Variants in AFG3L2 observed in about 807,000 individuals in gnomAD.
AFG3L2 encodes mitochondrial inner membrane m-AAA protease component AFG3L2.
A neutral mutation model predicts 94.5 loss-of-function variants in AFG3L2; 54 were observed. The ratio of observed to expected loss-of-function variants is 0.57; its 90% CI spans 0.46 to 0.72. The LOEUF (loss-of-function observed/expected upper bound fraction) is 0.72. Ranked by LOEUF, AFG3L2 falls within the 30% of genes least tolerant of loss-of-function variation. AFG3L2 has a pLI of 0.00. For missense variants in AFG3L2, 754 were observed against 994.9 expected, an observed-to-expected ratio of 0.76 and a Z score of 3.26; for synonymous variants, 377 against 365.5, an observed-to-expected ratio of 1.03 and a Z score of -0.36.
intron 9 of AFG3L2, among the ~76,000 whole-genome samples, chr18:12,356,126 A>AC (rs1908486482): frequency 6.6e-6 from 1 of 151,464 alleles, no homozygotes; most frequent in Non-Finnish European, 1.5e-5. Context: ...GTCACCAAAA[A>AC]AAAAAAAAAT....
intron 2 of AFG3L2, among the ~76,000 whole-genome samples, chr18:12,371,315 C>CAA (rs1275446956): frequency 8.4e-4 from 56 of 66,428 alleles, no homozygotes; most frequent in African/African-American, 2.9e-3. Context: ...ACTCAGTCTC[C>CAA]AAAAAAAAAA....
Position 12,367,086 on chromosome 18 carries a change from C to T in AFG3L2, c.431G>A (p.Arg144Lys), listed in dbSNP as rs1045085059. Residue 144 changes from arginine to lysine, a missense_variant, in exon 5 of 17, where the codon AGG (arginine) becomes AAG (lysine). Around this residue, in one of 4 missense-constraint regions of AFG3L2, gnomAD observed 236 missense variants for 214.0 expected, o/e 1.10. Coordinates refer to ENST00000269143, the MANE Select transcript of AFG3L2 (RefSeq NM_006796.3). ...GDIPWDDKDF[R>K]MFFLWTALFW... ...CAGAGCAGTCCAGAGGAAGAACATC[C>T]TGAAATCCTTGTCGTCCCATGGAAT... 6 of 1,614,222 alleles carry T rather than the reference C, an allele frequency of 3.7e-6. No individual in the cohort carries two copies. The highest frequency in any genetic ancestry group is 1.7e-5 in the Admixed American group (1 of 60,032).
chr18:12,373,748 G>A (rs1021153784), intron 1 of AFG3L2, among the ~76,000 whole-genome samples: 5 of 152,070 alleles, frequency 3.3e-5, no homozygotes, highest in Non-Finnish European at 5.9e-5. Flanking sequence ...GAAGGTCAAT[G>A]GCAAAGCAGC....
intron 16 of AFG3L2, among the ~76,000 whole-genome samples, chr18:12,330,958 G>A (rs1042062721): frequency 1.3e-5 from 2 of 152,190 alleles, no homozygotes; most frequent in Non-Finnish European, 2.9e-5. Context: ...TTGGGACCAT[G>A]CATTGGACCA....
chr18:12,369,853 G>A (rs1227652292), intron 3 of AFG3L2, among the ~76,000 whole-genome samples: 1 of 151,878 alleles, frequency 6.6e-6, no homozygotes, highest in African/African-American at 2.4e-5. Flanking sequence ...TCAGGAGATG[G>A]AGACCATCCT....
chr18:12,333,308 T>C (rs981361127), intron 16 of AFG3L2, among the ~76,000 whole-genome samples: 1 of 131,110 alleles, frequency 7.6e-6, no homozygotes, highest in African/African-American at 2.9e-5. Flanking sequence ...ATATATTATA[T>C]ATTATAAATA....
chr18:12,333,020 A>AT (rs1325159819), intron 16 of AFG3L2, among the ~76,000 whole-genome samples: 98 of 91,054 alleles, frequency 1.1e-3, no homozygotes, highest in African/African-American at 3.3e-3. Context: ...AAAATATATT[A>AT]ATAATATATA....
At chr18:12,369,840 A>AG (rs1908923665) in intron 3 of AFG3L2, among the ~76,000 whole-genome samples, 1 of 152,022 alleles carries the variant, frequency 6.6e-6, no homozygotes, top group Non-Finnish European at 1.5e-5. Flanking sequence ...GCGGATCACA[A>AG]GGTCAGGAGA....
chr18:12,359,082 C>T (rs1328370860), intron 7 of AFG3L2, 139 bp from the exon 8 acceptor site: 1 of 1,279,368 alleles, frequency 7.8e-7, no homozygotes, highest in African/African-American at 1.5e-5. Flanking sequence ...GGGTAACTTG[C>T]AAGTGTTCTT....
rs76040040 is a variant in AFG3L2, at chr18:12,347,554, A to C, written c.1663+719T>G. Among the ~76,000 whole-genome samples, 137 of 140,706 alleles carry C rather than the reference A, an allele frequency of 9.7e-4. 1 individual carries two copies. Among genetic ancestry groups the C allele is most frequent in the Non-Finnish European group, 1.4e-3 (93 of 64,524 alleles). 92.3% of individuals were successfully genotyped at this position (140,706 alleles called of 152,430 possible). A position where few individuals can be genotyped will look rare whatever the true frequency, so the allele number is the denominator to read the frequency against. ...TTATTTTATTTTATTTATTATTATTATTTTTTTTTTTTTTGAGACAGAGAC... is the reference window on the plus strand; with the variant it reads ...TTATTTTATTTTATTTATTATTATTCTTTTTTTTTTTTTTGAGACAGAGAC... On this transcript the variant is annotated intron_variant, in intron 13 of 16. Coordinates refer to ENST00000269143, the MANE Select transcript of AFG3L2 (RefSeq NM_006796.3).
intron 16 of AFG3L2, among the ~76,000 whole-genome samples, chr18:12,333,195 T>C (rs1245295480): frequency 8.8e-6 from 1 of 113,720 alleles, no homozygotes; most frequent in Admixed American, 1.0e-4. Flanking sequence ...AAATAATATA[T>C]ATAATAATCT....
chr18:12,356,300 C>T (rs141456633), intron 9 of AFG3L2, among the ~76,000 whole-genome samples: 3,198 of 152,080 alleles, frequency 0.021, 116 homozygotes, highest in African/African-American at 0.073. Context: ...TATAGGCATG[C>T]GCGACCACGC....
intron 13 of AFG3L2, among the ~76,000 whole-genome samples, chr18:12,345,452 T>C (rs1367794839): frequency 6.6e-6 from 1 of 152,264 alleles, no homozygotes; most frequent in Non-Finnish European, 1.5e-5. Flanking sequence ...TTAAGGAGAC[T>C]GGAAGACAAA....
chr18:12,373,927 TACCACCACG>T (rs1245999488), intron 1 of AFG3L2, among the ~76,000 whole-genome samples: 1 of 152,138 alleles, frequency 6.6e-6, no homozygotes, highest in Non-Finnish European at 1.5e-5. Flanking sequence ...CACCTCTCAA[TACCACCACG>T]ATGGGGAACA....
chr18:12,349,513 T>C (rs1049993889), intron 12 of AFG3L2, among the ~76,000 whole-genome samples: 1 of 152,198 alleles, frequency 6.6e-6, no homozygotes, highest in African/African-American at 2.4e-5. Context: ...CATCAACTGA[T>C]GGGTGGATCA....
intron 1 of AFG3L2, among the ~76,000 whole-genome samples, chr18:12,375,206 A>G (rs1001937850): frequency 6.6e-6 from 1 of 151,432 alleles, no homozygotes; most frequent in Non-Finnish European, 1.5e-5. Context: ...GGGAGCCTCA[A>G]GGAGTAAAAA....
chr18:12,332,945 A>ACTATATAATATATAAT (rs1555670075), intron 16 of AFG3L2, among the ~76,000 whole-genome samples: 5 of 112,104 alleles, frequency 4.5e-5, no homozygotes, highest in Admixed American at 1.2e-4. Context: ...TATAACATAT[A>ACTATATAATATATAAT]ATATATTATA....
intron 1 of AFG3L2, 103 bp from the exon 2 acceptor site, chr18:12,371,794 A>G (rs1598840422): frequency 2.1e-6 from 2 of 932,844 alleles, no homozygotes; most frequent in South Asian, 1.4e-5. Flanking sequence ...TCTCTCTTCC[A>G]CAGGTGGTTA....
intron 6 of AFG3L2, among the ~76,000 whole-genome samples, chr18:12,361,726 G>A (rs555556654): frequency 4.6e-5 from 7 of 152,320 alleles, no homozygotes; most frequent in South Asian, 4.1e-4. Context: ...ACTGAGTGAG[G>A]AACATTACTT....
Sources: gnomAD v4.1 joint callset for allele counts (sites outside exome capture counted in the v4.1 genomes callset) on GRCh38, gnomAD v4.1.1 for gene constraint, gnomAD v4.1.1 regional missense constraint, MANE v1.5 for transcripts, NCBI Gene and HGNC (gene_info 2026-07-23, HGNC 2026-07-21) for gene names.